The following LRP1B variants were observed in gnomAD, a reference collection of about 807,000 sequenced individuals.
The protein encoded by LRP1B is LDL receptor related protein 1B, also known as low-density lipoprotein receptor-related protein 1B.
LRP1B carries 217 observed loss-of-function variants against 556.6 expected under a neutral mutation model. That is an observed-to-expected ratio of 0.39 (90% confidence interval 0.35 to 0.44). The LOEUF is 0.44. Among genes scored for constraint, LRP1B ranks in the 20% least tolerant of loss-of-function variants. LRP1B has a pLI of 1.00. For synonymous variants in LRP1B, 2,047 were observed against 1,865.8 expected, an observed-to-expected ratio of 1.10 and a Z score of -2.50; for missense variants, 5,053 against 5,620.8, an observed-to-expected ratio of 0.90 and a Z score of 3.23.
At chr2:141,847,645 T>C (rs1223954786) in intron 1 of LRP1B, among the ~76,000 whole-genome samples, 2 of 151,540 alleles carry the variant, frequency 1.3e-5, no homozygotes, top group Non-Finnish European at 3.0e-5. Flanking sequence ...CTTCTACATA[T>C]AAGGCAACTT....
intron 25 of LRP1B, 93 bp from the exon 26 acceptor site, chr2:140,868,356 G>T: frequency 1.7e-6 from 2 of 1,152,638 alleles, no homozygotes; most frequent in Admixed American, 3.0e-5. Flanking sequence ...CTAGGCACTG[G>T]ATAGGTGATA....
At chr2:141,403,142 C>A (rs1261895424) in intron 3 of LRP1B, among the ~76,000 whole-genome samples, 2 of 151,926 alleles carry the variant, frequency 1.3e-5, no homozygotes, top group Admixed American at 6.6e-5. Context: ...TATGAAGAAC[C>A]TGTGTTAAAA....
Position 140,883,982 on chromosome 2 carries a change from G to T in LRP1B, c.4004C>A (p.Ala1335Asp). 2 of 1,612,878 alleles carry T rather than the reference G, an allele frequency of 1.2e-6. No individual in the cohort carries two copies. Among genetic ancestry groups the T allele is most frequent in the East Asian group, 4.5e-5 (2 of 44,842 alleles). ...GTCGACTGTCAGGCCTTCTGGAGTA[G>T]CCAGGCCATGCTCCACAACCACTTC... Reference protein sequence around the residue: ...AIEVVVEHGLATPEGLTVDWI... With the variant: ...AIEVVVEHGLDTPEGLTVDWI... The change falls in exon 25 of 91, where the codon GCT (alanine) becomes GAT (aspartate). Residue 1335 changes from alanine to aspartate, a missense_variant. Physicochemically the swap from Ala to Asp is moderately radical, Grantham distance 126. Transcript: ENST00000389484.
chr2:141,503,285 A>G (rs1683798797), intron 2 of LRP1B, among the ~76,000 whole-genome samples: 1 of 147,778 alleles, frequency 6.8e-6, no homozygotes, highest in Non-Finnish European at 1.5e-5. Context: ...ATAATATACA[A>G]TTATTTTTAT....
chr2:140,456,636 C>T (rs1687119005), intron 61 of LRP1B, 33 bp from the exon 62 acceptor site: 1 of 1,581,452 alleles, frequency 6.3e-7, no homozygotes, highest in East Asian at 2.2e-5. Context: ...AACAACAAAA[C>T]AGGATAATCA....
chr2:140,795,897 C>T (rs534798356), intron 32 of LRP1B, among the ~76,000 whole-genome samples: 1 of 152,162 alleles, frequency 6.6e-6, no homozygotes, highest in Admixed American at 6.5e-5. Flanking sequence ...TTCTTATATT[C>T]TTACTCTAAT....
chr2:140,857,951 A>G (rs1692667825), intron 27 of LRP1B, among the ~76,000 whole-genome samples: 1 of 152,170 alleles, frequency 6.6e-6, no homozygotes, highest in African/African-American at 2.4e-5. Context: ...AAGAAAAAAA[A>G]ACATATCAGG....
intron 1 of LRP1B, among the ~76,000 whole-genome samples, chr2:141,879,828 A>G (rs1258759794): frequency 1.3e-5 from 2 of 152,042 alleles, no homozygotes; most frequent in African/African-American, 4.8e-5. Context: ...CTTAAAATGA[A>G]TATTTTTAAA....
intron 2 of LRP1B, among the ~76,000 whole-genome samples, chr2:141,592,874 G>T (rs1044797426): frequency 1.3e-5 from 2 of 152,104 alleles, no homozygotes; most frequent in Admixed American, 6.6e-5. Context: ...TTTAAATAAA[G>T]CAACTTGTCT....
At chr2:140,647,392 G>T (rs1684522454) in intron 41 of LRP1B, among the ~76,000 whole-genome samples, 1 of 152,002 alleles carries the variant, frequency 6.6e-6, no homozygotes, top group African/African-American at 2.4e-5. Flanking sequence ...ATGTGTCAGA[G>T]TTTCCCATTT....
chr2:140,595,096 A>ATCTATATC (rs1558992070), intron 43 of LRP1B, among the ~76,000 whole-genome samples: 1 of 46,226 alleles, frequency 2.2e-5, no homozygotes, highest in African/African-American at 1.0e-4. Context: ...GAATATATAT[A>ATCTATATC]TATATATATA....
intron 3 of LRP1B, among the ~76,000 whole-genome samples, chr2:141,409,198 C>T (rs913869885): frequency 3.9e-5 from 6 of 152,090 alleles, no homozygotes; most frequent in Non-Finnish European, 5.9e-5. Flanking sequence ...TCTTGACACA[C>T]GTTAAGTTAT....
intron 1 of LRP1B, among the ~76,000 whole-genome samples, chr2:142,106,152 A>T (rs2104978684): frequency 6.6e-6 from 1 of 152,306 alleles, no homozygotes; most frequent in Non-Finnish European, 1.5e-5. Flanking sequence ...GTATATCTGT[A>T]AGAAGTGTTT....
intron 6 of LRP1B, among the ~76,000 whole-genome samples, chr2:141,203,751 C>T (rs1240233677): frequency 6.6e-6 from 1 of 152,192 alleles, no homozygotes; most frequent in Admixed American, 6.5e-5. Context: ...CCTCATCACA[C>T]TTATTCTGAA....
At chr2:140,683,560 A>C (rs2105382704) in intron 41 of LRP1B, 1 of 662,232 alleles carries the variant, frequency 1.5e-6, no homozygotes, top group Middle Eastern at 2.8e-4. Flanking sequence ...TTCAACTCCA[A>C]GTCCCAGTCT....
intron 25 of LRP1B, among the ~76,000 whole-genome samples, chr2:140,878,997 A>G (rs1465006043): frequency 6.6e-6 from 1 of 151,968 alleles, no homozygotes; most frequent in Non-Finnish European, 1.5e-5. Context: ...TCCAAAAAAA[A>G]AAAAAAAAGA....
At chr2:141,636,761 A>G (rs1689120659) in intron 2 of LRP1B, among the ~76,000 whole-genome samples, 1 of 152,084 alleles carries the variant, frequency 6.6e-6, no homozygotes, top group African/African-American at 2.4e-5. Flanking sequence ...AAAGGAAAAA[A>G]AAAACATAAG....
chr2:141,242,945 G>A (rs1683933652), intron 5 of LRP1B, among the ~76,000 whole-genome samples: 2 of 151,896 alleles, frequency 1.3e-5, no homozygotes, highest in Admixed American at 1.3e-4. Flanking sequence ...TCAGCCCCAA[G>A]TTTTCACATT....
At chr2:140,471,576 A>G (rs2105343012) in intron 60 of LRP1B, among the ~76,000 whole-genome samples, 1 of 152,332 alleles carries the variant, frequency 6.6e-6, no homozygotes, top group East Asian at 1.9e-4. Flanking sequence ...AATTTGATCT[A>G]CTACATAACT....
Sources: gnomAD v4.1 joint callset for allele counts (sites outside exome capture counted in the v4.1 genomes callset) on GRCh38, gnomAD v4.1.1 for gene constraint, MANE v1.5 for transcripts, NCBI Gene and HGNC (gene_info 2026-07-23, HGNC 2026-07-21) for gene names.